The following TMEM132D variants were observed in gnomAD, a reference collection of about 807,000 sequenced individuals.
The protein encoded by TMEM132D is mature OL transmembrane protein.
Under a neutral mutation model 62.3 loss-of-function variants are expected in TMEM132D, and 21 were observed. That is an observed-to-expected ratio of 0.34 (90% CI 0.24 to 0.49). TMEM132D has a LOEUF of 0.49. Among genes scored for constraint, TMEM132D ranks in the 20% least tolerant of loss-of-function variants. The probability of loss-of-function intolerance (pLI) is 0.99; values close to 1 mark genes in which losing one functional copy is unlikely to be tolerated. For synonymous variants in TMEM132D, 621 were observed against 575.6 expected (o/e 1.08, Z -1.13); for missense variants, 1,346 against 1,402.8 (o/e 0.96, Z 0.65).
chr12:129,877,428 A>C (rs1874452758), intron 1 of TMEM132D, among the ~76,000 whole-genome samples: 1 of 152,158 alleles, frequency 6.6e-6, no homozygotes, highest in Non-Finnish European at 1.5e-5. Context: ...TAGCAGAAGG[A>C]AGCACCCATT....
chr12:129,563,427 AG>A (rs1877290992), intron 2 of TMEM132D, among the ~76,000 whole-genome samples: 1 of 152,184 alleles, frequency 6.6e-6, no homozygotes, highest in African/African-American at 2.4e-5. Flanking sequence ...ATCTTTTCCC[AG>A]CCCTCTTTCT....
intron 4 of TMEM132D, among the ~76,000 whole-genome samples, chr12:129,305,903 G>T (rs563985394): frequency 6.6e-6 from 1 of 152,088 alleles, no homozygotes. Flanking sequence ...ACAAAGCAGA[G>T]AGAGAAAAAA....
intron 3 of TMEM132D, among the ~76,000 whole-genome samples, chr12:129,392,097 G>T (rs1004214094): frequency 3.3e-5 from 5 of 149,988 alleles, no homozygotes; most frequent in African/African-American, 1.2e-4. Flanking sequence ...CACTCTTGTT[G>T]CCCAGGCTGG....
intron 4 of TMEM132D, among the ~76,000 whole-genome samples, chr12:129,300,199 T>A (rs571960237): frequency 2.2e-4 from 33 of 152,060 alleles, no homozygotes; most frequent in South Asian, 2.1e-3. Context: ...GATGCAGGAG[T>A]GTGTGGTCTG....
At chr12:129,332,825 T>G (rs930051163) in intron 4 of TMEM132D, among the ~76,000 whole-genome samples, 2 of 152,064 alleles carry the variant, frequency 1.3e-5, no homozygotes, top group Non-Finnish European at 2.9e-5. Flanking sequence ...ATCGCTAATA[T>G]ATAGAAATAG....
At chr12:129,649,721 C>A (rs1879871475) in intron 2 of TMEM132D, among the ~76,000 whole-genome samples, 1 of 151,122 alleles carries the variant, frequency 6.6e-6, no homozygotes, top group South Asian at 2.1e-4. Context: ...CATGCATAAT[C>A]CATGTTATTC....
intron 2 of TMEM132D, among the ~76,000 whole-genome samples, chr12:129,576,152 C>G (rs1877652799): frequency 6.6e-6 from 1 of 151,912 alleles, no homozygotes; most frequent in Non-Finnish European, 1.5e-5. Context: ...TCTTTGCATG[C>G]AAGCTCCGCT....
chr12:129,799,356 G>A (rs900456313), intron 1 of TMEM132D, among the ~76,000 whole-genome samples: 3 of 110,876 alleles, frequency 2.7e-5, no homozygotes, highest in Non-Finnish European at 3.7e-5. Flanking sequence ...GTATATATGT[G>A]TGTGTGTGTA....
At chr12:129,410,516 A>C in intron 3 of TMEM132D, among the ~76,000 whole-genome samples, 1 of 150,930 alleles carries the variant, frequency 6.6e-6, no homozygotes, top group Non-Finnish European at 1.5e-5. Flanking sequence ...CGCACCACCA[A>C]ACCCAGCTAA....
chr12:129,248,597 G>A (rs1254476594), intron 4 of TMEM132D, among the ~76,000 whole-genome samples: 2 of 151,800 alleles, frequency 1.3e-5, no homozygotes, highest in Non-Finnish European at 2.9e-5. Flanking sequence ...AGAAGTGCAG[G>A]TTTGTTACAC....
chr12:129,735,403 G>A (rs572489195), intron 1 of TMEM132D, among the ~76,000 whole-genome samples: 7 of 152,286 alleles, frequency 4.6e-5, no homozygotes, highest in South Asian at 2.1e-4. Flanking sequence ...ATGTATATTA[G>A]GGAGCTGTTC....
chr12:129,251,116 G>A (rs572872993), intron 4 of TMEM132D, among the ~76,000 whole-genome samples: 1 of 152,210 alleles, frequency 6.6e-6, no homozygotes, highest in East Asian at 1.9e-4. Flanking sequence ...CTAGCACTTT[G>A]GGAGGCTGAG....
chr12:129,366,133 C>T (rs1418108568), intron 3 of TMEM132D, among the ~76,000 whole-genome samples: 2 of 151,996 alleles, frequency 1.3e-5, no homozygotes, highest in Admixed American at 6.5e-5. Flanking sequence ...AACACTCACC[C>T]GGATATTATC....
intron 1 of TMEM132D, among the ~76,000 whole-genome samples, chr12:129,831,345 AC>A (rs1199321831): frequency 1.3e-5 from 2 of 152,198 alleles, no homozygotes; most frequent in Admixed American, 1.3e-4. Flanking sequence ...ACACATGCAC[AC>A]CACTGAATAC....
chr12:129,418,926 A>C (rs1872212951), intron 3 of TMEM132D, among the ~76,000 whole-genome samples: 1 of 152,094 alleles, frequency 6.6e-6, no homozygotes, highest in Non-Finnish European at 1.5e-5. Flanking sequence ...GCCGAGTGAC[A>C]ATCAAGTGAA....
chr12:129,676,272 A>C (rs955079133), intron 2 of TMEM132D, among the ~76,000 whole-genome samples: 1 of 152,150 alleles, frequency 6.6e-6, no homozygotes, highest in Admixed American at 6.5e-5. Context: ...CCTGTCTGTC[A>C]GTCTGTCTGT....
chr12:129,442,803 C>A (rs1872978561), intron 3 of TMEM132D, among the ~76,000 whole-genome samples: 1 of 152,070 alleles, frequency 6.6e-6, no homozygotes, highest in African/African-American at 2.4e-5. Flanking sequence ...CATGGATGAC[C>A]CAGAGTCCTT....
intron 1 of TMEM132D, among the ~76,000 whole-genome samples, chr12:129,720,902 A>T (rs1490236062): frequency 6.6e-6 from 1 of 152,234 alleles, no homozygotes; most frequent in Non-Finnish European, 1.5e-5. Flanking sequence ...CAGTCTGCCC[A>T]GCTGAAGGAG....
intron 1 of TMEM132D, among the ~76,000 whole-genome samples, chr12:129,865,908 T>A (rs1464442010): frequency 1.3e-5 from 2 of 152,194 alleles, no homozygotes; most frequent in African/African-American, 4.8e-5. Flanking sequence ...GCTCCAGAGC[T>A]ACATCGTGGT....
Sources: gnomAD v4.1 joint callset for allele counts (sites outside exome capture counted in the v4.1 genomes callset) on GRCh38, gnomAD v4.1.1 for gene constraint, MANE v1.5 for transcripts, NCBI Gene and HGNC (gene_info 2026-07-23, HGNC 2026-07-21) for gene names.